Variants in PCARE observed in about 807,000 individuals in gnomAD.
PCARE encodes the protein photoreceptor cilium actin regulator.
A neutral mutation model predicts 82.2 loss-of-function variants in PCARE; 72 were observed. The ratio of observed to expected loss-of-function variants is 0.88; its 90% CI spans 0.72 to 1.07. PCARE has a LOEUF of 1.07. PCARE is among the 50% of genes least tolerant of loss of function. The probability of loss-of-function intolerance (pLI) is 0.00; values close to 1 mark genes in which losing one functional copy is unlikely to be tolerated. For synonymous variants in PCARE, 705 were observed against 634.8 expected, an observed-to-expected ratio of 1.11 and a Z score of -1.66; for missense variants, 1,768 against 1,592.4, an observed-to-expected ratio of 1.11 and a Z score of -1.88.
chr2:29,070,622 A>C lies in PCARE; in HGVS notation c.3640T>G (p.Ser1214Ala). 6.2e-7 allele frequency: 1 copy of C among 1,613,950 alleles called. No homozygotes were observed. The highest frequency in any genetic ancestry group is 8.5e-7 in the Non-Finnish European group (1 of 1,179,882). Residue 1214 changes from serine to alanine, a missense_variant, in exon 1 of 2, where the codon TCT (serine) becomes GCT (alanine). Ser to Ala is a moderately conservative substitution (Grantham distance 99). Transcript: ENST00000331664. Reference protein sequence around the residue: ...QPPTLDPTSTSYESQLGQNSS... With the variant: ...QPPTLDPTSTAYESQLGQNSS... ...TTCTGGCCGAGCTGGGATTCATAAG[A>C]GGTGCTGGTGGGGTCCAAGGTGGGA...
intron 1 of PCARE, among the ~76,000 whole-genome samples, chr2:29,069,466 T>C (rs1296656329): frequency 2.6e-5 from 4 of 152,188 alleles, no homozygotes; most frequent in Admixed American, 2.6e-4. Context: ...TTCTTACTTA[T>C]AAGTGGGAGC....
At chr2:29,065,099 C>T in intron 1 of PCARE, 32 bp from the exon 2 acceptor site, 1 of 1,544,564 alleles carries the variant, frequency 6.5e-7, no homozygotes, top group Non-Finnish European at 8.7e-7. Flanking sequence ...GCAGGTCAGA[C>T]ACTCCTCCTC....
At chr2:29,067,575 C>A (rs1466750875) in intron 1 of PCARE, among the ~76,000 whole-genome samples, 1 of 152,160 alleles carries the variant, frequency 6.6e-6, no homozygotes, top group African/African-American at 2.4e-5. Context: ...GATGAGGTCT[C>A]ACTCTGTCAC....
intron 1 of PCARE, among the ~76,000 whole-genome samples, chr2:29,067,570 G>A (rs1667408163): frequency 6.6e-6 from 1 of 152,054 alleles, no homozygotes; most frequent in Admixed American, 6.5e-5. Flanking sequence ...CTCTAGATGA[G>A]GTCTCACTCT....
In PCARE at chr2:29,073,267, G is replaced by A. The variant is rs373090012; in HGVS notation, c.995C>T (p.Ala332Val). 15 of 1,613,970 alleles carry A rather than the reference G, an allele frequency of 9.3e-6. No individual in the cohort carries two copies. The highest frequency in any genetic ancestry group is 1.3e-5 in the African/African-American group (1 of 74,932). ...CACCCCAGGGTCGCCACAGCCACTC[G>A]CCAGGCTCTCTAGCTGCCTCAGAGC... Reference protein sequence around the residue: ...LRALRQLESLASGCGDPGVQG... With the variant: ...LRALRQLESLVSGCGDPGVQG... Residue 332 changes from alanine to valine, a missense_variant, in exon 1 of 2, where the codon GCG becomes GTG. Transcript: ENST00000331664.
Position 29,073,164 on chromosome 2 carries a change from G to A in PCARE, c.1098C>T (p.Gly366=). Residue 366 remains glycine, a synonymous_variant, in exon 1 of 2, where the codon GGC becomes GGT. Transcript: ENST00000331664. ...GTGCAAGGTCCCAGCTGGTTTGCTT[G>A]CCCAGCTTGTCCACCGACTGCACGG... ...NESVQSVDKL[G]KQTSWDLAPE... The A allele has an allele frequency of 6.2e-7, 1 of 1,614,048 alleles. No homozygotes were observed. Among genetic ancestry groups the A allele is most frequent in the Non-Finnish European group, 8.5e-7 (1 of 1,179,974 alleles).
In PCARE at chr2:29,071,493, GTCCAGGGCTGGCT is replaced by G. The variant is rs794728002; in HGVS notation, c.2756_2768del (p.Lys919ThrfsTer2). 3 of 1,610,638 alleles carry G rather than the reference GTCCAGGGCTGGCT, an allele frequency of 1.9e-6. No homozygotes were observed. Among genetic ancestry groups the G allele is most frequent in the Middle Eastern group, 1.7e-4 (1 of 6,042 alleles). On this transcript the variant is annotated frameshift_variant, in exon 1 of 2. Coordinates refer to ENST00000331664, the MANE Select transcript of PCARE (RefSeq NM_001029883.3). LOFTEE classifies it high-confidence loss of function. ...GGCTGGTGGCTGGTGGGCTGCTCAG[GTCCAGGGCTGGCT>G]TCCTGGGCTGGCAGCTGCTCCTGCC...
At position 29,062,509 on chromosome 2, in the gene PCARE, A is replaced by C. The variant is rs946709275; in HGVS notation, c.*2360T>G. On this transcript the variant is annotated 3_prime_UTR_variant, in exon 2 of 2. Transcript: ENST00000331664. ...GGCGAGGGACAACCTCTAGTCTCAG[A>C]CAGCCTCCTGCCATGCATGCTCACG... is the stretch of plus-strand genomic sequence containing the variant. 1 of 152,178 alleles carries C rather than the reference A, an allele frequency of 6.6e-6. No homozygotes were observed. Among genetic ancestry groups the C allele is most frequent in the African/African-American group, 2.4e-5 (1 of 41,426 alleles). The allele number at this position is 152,178 out of a possible 1,614,324, so 9.4% of individuals were successfully genotyped here.
At position 29,065,087 on chromosome 2, in the gene PCARE, G is replaced by A; in HGVS notation, c.3669-20C>T. 12 of 1,548,036 alleles carry A rather than the reference G, an allele frequency of 7.8e-6. No homozygotes were observed. The highest frequency in any genetic ancestry group is 1.0e-5 in the Non-Finnish European group (12 of 1,146,700). Reference sequence around the variant, plus strand: ...CTGCTGCTGCCGAGAGAAAGGACAAGTGCAGGTCAGACACTCCTCCTCTGC... The same window carrying A: ...CTGCTGCTGCCGAGAGAAAGGACAAATGCAGGTCAGACACTCCTCCTCTGC... On this transcript the variant is annotated intron_variant, in intron 1 of 1. Coordinates refer to ENST00000331664, the MANE Select transcript of PCARE (RefSeq NM_001029883.3).
At position 29,070,962 on chromosome 2, in the gene PCARE, C is replaced by T. The variant is rs765511720; in HGVS notation, c.3300G>A (p.Lys1100=). 8.7e-6 allele frequency: 14 copies of T among 1,610,934 alleles called. No homozygotes were observed. In the African/African-American group the frequency reaches 1.8e-4, roughly 20 times the overall value. ...SPPMSPSQEH[K]ETRDSEDSQA... ...GGCTGTCTTCAGAGTCTCTTGTTTC[C>T]TTGTGCTCCTGAGAAGGGGACATTG... The change falls in exon 1 of 2, where the codon AAG becomes AAA. Residue 1100 remains lysine, a synonymous_variant. Transcript: ENST00000331664.
chr2:29,071,543 C>T lies in PCARE; in HGVS notation c.2719G>A (p.Gly907Arg), dbSNP rs779397432. Residue 907 changes from glycine to arginine, a missense_variant, in exon 1 of 2, where the codon GGG becomes AGG. Coordinates refer to ENST00000331664, the MANE Select transcript of PCARE (RefSeq NM_001029883.3). ...CAGCTGCTCCTGCCACTCCCTGGCC[C>T]TGTGCTGTGAGGCTTGGTCAGGCTG... ...TASLTKPHST[G>R]PGSGRSSCQP... 2.5e-6 allele frequency: 4 copies of T among 1,610,598 alleles called. No homozygotes were observed. The Admixed American group carries it at 6.7e-5, about 27-fold the overall frequency.
rs1024950506 is a variant in PCARE, at chr2:29,072,749, A to G, written c.1513T>C (p.Trp505Arg). 3 of 1,613,986 alleles carry G rather than the reference A, an allele frequency of 1.9e-6. No homozygotes were observed. The highest frequency in any genetic ancestry group is 2.5e-6 in the Non-Finnish European group (3 of 1,180,012). ...CTTGAATGTGGAGTTTTTTCCTGCC[A>G]GGCACACAGACTCATGCTGCTCATT... ...DKMSSMSLCA[W>R]QEKTPHSRPQ... Residue 505 changes from tryptophan to arginine, a missense_variant, in exon 1 of 2, where the codon TGG becomes CGG. Trp to Arg is a moderately radical substitution (Grantham distance 101, BLOSUM62 -3). Coordinates refer to ENST00000331664, the MANE Select transcript of PCARE (RefSeq NM_001029883.3).
At position 29,074,273 on chromosome 2, in the gene PCARE, G is replaced by C; in HGVS notation, c.-12C>G. The C allele has an allele frequency of 6.6e-7, 1 of 1,519,874 alleles. No individual in the cohort carries two copies. Among genetic ancestry groups the C allele is most frequent in the Non-Finnish European group, 8.8e-7 (1 of 1,136,290 alleles). The allele number at this position is 1,519,874 out of a possible 1,614,324, so 94.1% of individuals were successfully genotyped here. ...GGTGTACACCCCATGATTTCAGCTT[G>C]TAGTCATCTTCCACCCACCTTCACA... On this transcript the variant is annotated 5_prime_UTR_variant, in exon 1 of 2. Transcript: ENST00000331664.
rs375645600 is a variant in PCARE at position 29,073,822 on chromosome 2, C to T, written c.440G>A (p.Arg147Lys). 8.7e-6 allele frequency: 14 copies of T among 1,614,060 alleles called. No homozygotes were observed. Among genetic ancestry groups the T allele is most frequent in the Admixed American group, 5.0e-5 (3 of 59,994 alleles). ...SSTQDTSKWK[R>K]TAKCHTSSTQ... Reference sequence around the variant, plus strand: ...GCTTGACGTGTGACATTTTGCTGTCCTTTTCCATTTGGAAGTATCTTGGGT... The same window carrying T: ...GCTTGACGTGTGACATTTTGCTGTCTTTTTCCATTTGGAAGTATCTTGGGT... The change falls in exon 1 of 2, where the codon AGG becomes AAG. Residue 147 changes from arginine (R) to lysine (K), a missense_variant. Arg to Lys is a conservative substitution (Grantham distance 26, BLOSUM62 2). Transcript: ENST00000331664.
chr2:29,071,930 A>G lies in PCARE; in HGVS notation c.2332T>C (p.Tyr778His). 1 of 1,614,190 alleles carries G rather than the reference A, an allele frequency of 6.2e-7. No homozygotes were observed. The highest frequency in any genetic ancestry group is 8.5e-7 in the Non-Finnish European group (1 of 1,180,006). ...GCTGGAGAAATTTGGGGCTTCGGAT[A>G]CAAAGGGGCAAGCCCTGTGTACTTG... ...FPKYTGLAPL[Y>H]PKPQISPASG... The change falls in exon 1 of 2, where the codon TAT (tyrosine) becomes CAT (histidine). Residue 778 changes from tyrosine to histidine, a missense_variant. Coordinates refer to ENST00000331664, the MANE Select transcript of PCARE (RefSeq NM_001029883.3).
rs1396413765 is a variant in PCARE at position 29,073,555 on chromosome 2, A to G, written c.707T>C (p.Ile236Thr). Residue 236 changes from isoleucine to threonine, a missense_variant, in exon 1 of 2, where the codon ATC becomes ACC. By Grantham distance (89) the Ile-to-Thr change is moderately conservative. Coordinates refer to ENST00000331664, the MANE Select transcript of PCARE (RefSeq NM_001029883.3). ...FEEISQLLGE[I>T]SKDGEVLLQE... is the part of the protein sequence containing the mutation. ...CAGGAGCACTTCTCCATCCTTGGAG[A>G]TCTCCCCCAACAGCTGGCTGATCTC... The G allele has an allele frequency of 4.3e-6, 7 of 1,614,042 alleles. No homozygotes were observed. In the South Asian group the frequency reaches 6.6e-5, roughly 15 times the overall value.
chr2:29,073,484 GCT>G lies in PCARE; in HGVS notation c.776_777del (p.Glu259AlafsTer51), dbSNP rs1572829514. ...EDLAWPLKKR[E>X]PQEQPNLLQQ... Reference sequence around the variant, plus strand: ...TGCAGGAGATTTGGCTGCTCCTGGGGCTCTCTTTTCTTCAAAGGCCAAGCCAG... The same window carrying G: ...TGCAGGAGATTTGGCTGCTCCTGGGGCTCTTTTCTTCAAAGGCCAAGCCAG... On this transcript the variant is annotated frameshift_variant, in exon 1 of 2. Coordinates refer to ENST00000331664, the MANE Select transcript of PCARE (RefSeq NM_001029883.3). LOFTEE classifies it high-confidence loss of function. The G allele has an allele frequency of 6.2e-7, 1 of 1,614,110 alleles. No individual in the cohort carries two copies. Among genetic ancestry groups the G allele is most frequent in the Non-Finnish European group, 8.5e-7 (1 of 1,180,016 alleles).
chr2:29,071,362 G>A lies in PCARE; in HGVS notation c.2900C>T (p.Ser967Phe). 1 of 1,613,744 alleles carries A rather than the reference G, an allele frequency of 6.2e-7. No individual in the cohort carries two copies. The highest frequency in any genetic ancestry group is 8.5e-7 in the Non-Finnish European group (1 of 1,179,930). The change falls in exon 1 of 2, where the codon TCT (serine) becomes TTT (phenylalanine). Residue 967 changes from serine (S) to phenylalanine (F), a missense_variant. Ser to Phe is a radical substitution (Grantham distance 155). Coordinates refer to ENST00000331664, the MANE Select transcript of PCARE (RefSeq NM_001029883.3). ...GGACTCTGAGGTCCTGTTTTGTCCA[G>A]ATGGAGGGCCGGAGTGGTGCCAGGC... Reference protein sequence around the residue: ...AIAWHHSGPPSGQNRTSESSL... With the variant: ...AIAWHHSGPPFGQNRTSESSL...
intron 1 of PCARE, among the ~76,000 whole-genome samples, chr2:29,065,577 A>G (rs141476732): frequency 0.02 from 3,027 of 152,348 alleles, 100 homozygotes; most frequent in African/African-American, 0.07. Flanking sequence ...CTGCCAAGTG[A>G]CACAGCTAAG....
Sources: allele counts gnomAD v4.1 joint callset (sites outside exome capture counted in the v4.1 genomes callset), GRCh38; gene constraint gnomAD v4.1.1; transcripts MANE v1.5; gene names NCBI Gene and HGNC (gene_info 2026-07-23, HGNC 2026-07-21).